Variants in MCPH1 observed in about 807,000 individuals in gnomAD.
MCPH1 encodes microcephalin 1.
MCPH1 carries 104 observed loss-of-function variants against 84.5 expected under a neutral mutation model. The ratio of observed to expected loss-of-function variants is 1.23; its 90% confidence interval spans 1.05 to 1.45. The LOEUF is 1.45. Ranked by LOEUF, MCPH1 falls within the 40% of genes most tolerant of loss-of-function variation. The pLI is 0.00. For synonymous variants in MCPH1, 514 were observed against 366.8 expected, an observed-to-expected ratio of 1.40 and a Z score of -4.58; for missense variants, 1,498 against 1,005.7, an observed-to-expected ratio of 1.49 and a Z score of -6.62.
intron 12 of MCPH1, among the ~76,000 whole-genome samples, chr8:6,579,699 A>G (rs894075308): frequency 6.6e-6 from 1 of 152,182 alleles, no homozygotes; most frequent in Non-Finnish European, 1.5e-5. Context: ...TGAGAAAATA[A>G]AAAGATTGTT....
intron 12 of MCPH1, among the ~76,000 whole-genome samples, chr8:6,614,198 C>A (rs146192352): frequency 1.4e-3 from 209 of 152,312 alleles, no homozygotes; most frequent in African/African-American, 4.8e-3. Context: ...TTGCAATGAT[C>A]AGCACTAGGA....
rs1798292809 is a variant in MCPH1 at position 6,647,931 on chromosome 8, AAAAGAG to A, written c.*4884_*4889del. ...ACCAATAAAGCTATTTTTTTTAAAAAAAAGAGAGAGAGAGAACGAGAGCTACATGGC... is the reference window on the plus strand; with the variant it reads ...ACCAATAAAGCTATTTTTTTTAAAAAAGAGAGAGAACGAGAGCTACATGGC... On this transcript the variant is annotated 3_prime_UTR_variant, in exon 14 of 14. Transcript: ENST00000344683. The A allele has an allele frequency of 6.6e-6, 1 of 152,090 alleles. No individual in the cohort carries two copies. Among genetic ancestry groups the A allele is most frequent in the Non-Finnish European group, 1.5e-5 (1 of 68,014 alleles). 9.4% of individuals were successfully genotyped at this position (152,090 alleles called of 1,614,324 possible). A position where few individuals can be genotyped will look rare whatever the true frequency, so the allele number is the denominator to read the frequency against.
intron 12 of MCPH1, among the ~76,000 whole-genome samples, chr8:6,538,262 A>G (rs1296453783): frequency 1.3e-5 from 2 of 151,922 alleles, no homozygotes; most frequent in Non-Finnish European, 2.9e-5. Context: ...AGATATTGCA[A>G]CCATCTGTCT....
At chr8:6,505,285 T>TATTC (rs1563305563) in intron 12 of MCPH1, among the ~76,000 whole-genome samples, 21 of 105,288 alleles carry the variant, frequency 2.0e-4, no homozygotes, top group Non-Finnish European at 2.6e-4. Context: ...TACATATATA[T>TATTC]GTTATATACA....
chr8:6,445,079 A>C lies in MCPH1; in HGVS notation c.1357A>C (p.Thr453Pro). The change falls in exon 8 of 14, where the codon ACA becomes CCA. Residue 453 changes from threonine (T) to proline (P), a missense_variant. Transcript: ENST00000344683. ...SCRSLSKKER[T>P]SIFEMSDFSC... Reference sequence around the variant, plus strand: ...CAGAAGTCTTTCTAAGAAGGAGAGAACAAGCATATTTGAAATGTCTGATTT... The same window carrying C: ...CAGAAGTCTTTCTAAGAAGGAGAGACCAAGCATATTTGAAATGTCTGATTT... 6.2e-7 allele frequency: 1 copy of C among 1,614,258 alleles called. No homozygotes were observed. The highest frequency in any genetic ancestry group is 8.5e-7 in the Non-Finnish European group (1 of 1,180,042).
In MCPH1 at chr8:6,642,961, T is replaced by C. The variant is rs372914120; in HGVS notation, c.2453-33T>C. 3 of 1,606,438 alleles carry C rather than the reference T, an allele frequency of 1.9e-6. No homozygotes were observed. The African/African-American group carries it at 4.0e-5, about 22-fold the overall frequency. On this transcript the variant is annotated intron_variant, in intron 13 of 13. Transcript: ENST00000344683. ...CACTTTCCTATGTGGCTGGCTATTA[T>C]GAATGCTAAACTGCTTTTCGCTCTC... is the stretch of plus-strand genomic sequence containing the variant.
chr8:6,479,752 A>G (rs905824598), intron 10 of MCPH1, among the ~76,000 whole-genome samples: 1 of 152,158 alleles, frequency 6.6e-6, no homozygotes, highest in Non-Finnish European at 1.5e-5. Flanking sequence ...AGGTTATTAT[A>G]AAAGGGAAGA....
At chr8:6,408,240 T>A (rs1194036154) in intron 1 of MCPH1, among the ~76,000 whole-genome samples, 1 of 152,218 alleles carries the variant, frequency 6.6e-6, no homozygotes, top group African/African-American at 2.4e-5. Context: ...AGTAGAAATT[T>A]ATTTATGAGA....
At chr8:6,542,971 C>G (rs938315369) in intron 12 of MCPH1, among the ~76,000 whole-genome samples, 1 of 152,074 alleles carries the variant, frequency 6.6e-6, no homozygotes, top group South Asian at 2.1e-4. Context: ...CGGCAGGAAG[C>G]GTGTGTTGTT....
At chr8:6,415,240 C>T (rs976581366) in intron 3 of MCPH1, among the ~76,000 whole-genome samples, 1 of 151,534 alleles carries the variant, frequency 6.6e-6, no homozygotes, top group African/African-American at 2.4e-5. Context: ...AGGACTTTCT[C>T]ACAACTCTGG....
At chr8:6,622,694 C>T (rs906794158) in intron 13 of MCPH1, among the ~76,000 whole-genome samples, 1 of 152,210 alleles carries the variant, frequency 6.6e-6, no homozygotes, top group African/African-American at 2.4e-5. Context: ...CCTGGGCTTG[C>T]AGACAGCTGC....
intron 12 of MCPH1, among the ~76,000 whole-genome samples, chr8:6,611,588 C>G (rs946937527): frequency 1.3e-5 from 2 of 152,042 alleles, no homozygotes; most frequent in African/African-American, 2.4e-5. Context: ...TGTTCAACCC[C>G]AAAGCTCCTG....
intron 3 of MCPH1, among the ~76,000 whole-genome samples, chr8:6,428,800 A>G (rs948991906): frequency 6.6e-6 from 1 of 152,264 alleles, no homozygotes; most frequent in African/African-American, 2.4e-5. Context: ...GCTTATCATG[A>G]AAAACAATGG....
intron 4 of MCPH1, 53 bp from the exon 5 acceptor site, chr8:6,435,995 C>T (rs1434700480): frequency 6.3e-7 from 1 of 1,598,768 alleles, no homozygotes; most frequent in Non-Finnish European, 8.5e-7. Flanking sequence ...GGCTTTTTCT[C>T]CTGCCTTAAG....
At chr8:6,446,871 A>C (rs1164830383) in intron 8 of MCPH1, 3 of 985,112 alleles carry the variant, frequency 3.0e-6, no homozygotes, top group Non-Finnish European at 3.6e-6. Context: ...TATGTTCTAG[A>C]ACACTGCCCC....
intron 11 of MCPH1, among the ~76,000 whole-genome samples, chr8:6,483,713 AG>A (rs1809509316): frequency 6.6e-6 from 1 of 152,174 alleles, no homozygotes; most frequent in Admixed American, 6.5e-5. Flanking sequence ...TAAAAAAACT[AG>A]CTCGGCATGG....
At chr8:6,582,695 A>G (rs1288526562) in intron 12 of MCPH1, among the ~76,000 whole-genome samples, 2 of 152,080 alleles carry the variant, frequency 1.3e-5, no homozygotes, top group East Asian at 3.9e-4. Context: ...CAAGGAAACC[A>G]CTGTCTGGAA....
chr8:6,409,976 A>ATTTTTT (rs34420641), intron 2 of MCPH1, among the ~76,000 whole-genome samples: 1 of 147,584 alleles, frequency 6.8e-6, no homozygotes, highest in African/African-American at 2.5e-5. Context: ...GTAGGGAGTA[A>ATTTTTT]TTTTTTTTTT....
At chr8:6,433,574 A>G (rs1351811828) in intron 4 of MCPH1, among the ~76,000 whole-genome samples, 1 of 140,520 alleles carries the variant, frequency 7.1e-6, no homozygotes, top group African/African-American at 2.7e-5. Context: ...TGGAGGTTGC[A>G]GTGAGCCCAG....
Sources: gnomAD v4.1 joint callset for allele counts (sites outside exome capture counted in the v4.1 genomes callset) on GRCh38, gnomAD v4.1.1 for gene constraint, MANE v1.5 for transcripts, NCBI Gene and HGNC (gene_info 2026-07-23, HGNC 2026-07-21) for gene names.